The following TCF4 variants were observed in gnomAD, a reference collection of about 807,000 sequenced individuals.
TCF4 encodes SL3-3 enhancer factor 2.
Under a neutral mutation model 82.1 loss-of-function variants are expected in TCF4, and 3 were observed. The observed-to-expected ratio is 0.04, with a 90% CI of 0.02 to 0.09. The LOEUF is 0.09. TCF4 is among the 10% of genes least tolerant of loss of function. TCF4 has a pLI of 1.00. For missense variants in TCF4, 518 were observed against 852.7 expected (o/e 0.61, Z 4.89); for synonymous variants, 276 against 309.6 (o/e 0.89, Z 1.14).
In TCF4 at chr18:55,406,722, A is replaced by G. The variant is rs969855088; in HGVS notation, c.305-3204T>C. On this transcript the variant is annotated intron_variant, in intron 5 of 19. Transcript: ENST00000354452. Reference sequence around the variant, plus strand: ...GGACAGCCTCTTTCCTCCTTTCTCCATTCTTCACCACCCGCCTCCCCCCAT... The same window carrying G: ...GGACAGCCTCTTTCCTCCTTTCTCCGTTCTTCACCACCCGCCTCCCCCCAT... Among the ~76,000 whole-genome samples, 120 of 152,084 alleles carry G rather than the reference A, an allele frequency of 7.9e-4. 1 individual carries two copies. Among genetic ancestry groups the G allele is most frequent in the African/African-American group, 2.8e-3 (116 of 41,490 alleles).
chr18:55,602,841 A>G (rs1489037089), intron 2 of TCF4, among the ~76,000 whole-genome samples: 2 of 152,238 alleles, frequency 1.3e-5, no homozygotes, highest in Non-Finnish European at 2.9e-5. Context: ...GGTGGAAATT[A>G]TGCTGAAAGA....
At chr18:55,325,665 G>T (rs912198448) in intron 8 of TCF4, among the ~76,000 whole-genome samples, 1 of 152,190 alleles carries the variant, frequency 6.6e-6, no homozygotes, top group Admixed American at 6.5e-5. Flanking sequence ...TTCTGTTTAA[G>T]TCACTGAACA....
chr18:55,611,088 G>T (rs975705596), intron 2 of TCF4, among the ~76,000 whole-genome samples: 1 of 152,132 alleles, frequency 6.6e-6, no homozygotes, highest in Admixed American at 6.6e-5. Flanking sequence ...GCAAGGCTTT[G>T]GGGAGATTGA....
chr18:55,320,844 T>C (rs983682080), intron 8 of TCF4: 1 of 152,560 alleles, frequency 6.6e-6, no homozygotes, highest in Non-Finnish European at 1.5e-5. Flanking sequence ...TTTGAAAATA[T>C]TGAAATCCTT....
At chr18:55,369,388 G>A (rs1338752340) in intron 6 of TCF4, among the ~76,000 whole-genome samples, 1 of 152,170 alleles carries the variant, frequency 6.6e-6, no homozygotes, top group African/African-American at 2.4e-5. Flanking sequence ...CCAGACTGAA[G>A]GTCAAGCAGA....
chr18:55,339,065 T>C (rs1046949068), intron 8 of TCF4, among the ~76,000 whole-genome samples: 3 of 152,214 alleles, frequency 2.0e-5, no homozygotes, highest in African/African-American at 7.2e-5. Flanking sequence ...TTTCCTCATG[T>C]GAATGCTTTC....
chr18:55,284,614 T>C (rs1345123196), intron 8 of TCF4, among the ~76,000 whole-genome samples: 1 of 152,162 alleles, frequency 6.6e-6, no homozygotes, highest in Non-Finnish European at 1.5e-5. Flanking sequence ...TCCTCCACGT[T>C]ACTACCCCCT....
chr18:55,483,806 T>G (rs1490808494), intron 3 of TCF4, among the ~76,000 whole-genome samples: 1 of 152,198 alleles, frequency 6.6e-6, no homozygotes, highest in South Asian at 2.1e-4. Flanking sequence ...TAGCTCAGCA[T>G]TTTTTGGAAA....
intron 3 of TCF4, among the ~76,000 whole-genome samples, chr18:55,529,153 G>A (rs1025536818): frequency 6.6e-5 from 10 of 152,242 alleles, no homozygotes; most frequent in South Asian, 4.1e-4. Flanking sequence ...ACTTCAGCCC[G>A]GGTGGTAACA....
At chr18:55,340,583 CAA>C (rs11428164) in intron 8 of TCF4, among the ~76,000 whole-genome samples, 20 of 65,450 alleles carry the variant, frequency 3.1e-4, no homozygotes, top group Non-Finnish European at 4.4e-4. Flanking sequence ...GACCCCATCT[CAA>C]AAAAAAAAAA....
At chr18:55,269,003 G>A (rs888443577) in intron 11 of TCF4, 1 of 152,252 alleles carries the variant, frequency 6.6e-6, no homozygotes, top group African/African-American at 2.4e-5. Context: ...TGGTTCAGAA[G>A]CAGGTAGCTA....
intron 3 of TCF4, among the ~76,000 whole-genome samples, chr18:55,536,800 A>G (rs182466297): frequency 6.6e-6 from 1 of 152,252 alleles, no homozygotes; most frequent in African/African-American, 2.4e-5. Context: ...GTATGTATGT[A>G]TATTACAAAG....
intron 15 of TCF4, among the ~76,000 whole-genome samples, chr18:55,235,727 A>ATT (rs2049159964): frequency 6.6e-6 from 1 of 152,190 alleles, no homozygotes; most frequent in Admixed American, 6.5e-5. Flanking sequence ...TTCTTAGCCT[A>ATT]TGGTTAAGTG....
chr18:55,321,598 A>G (rs946637105), intron 8 of TCF4: 3 of 1,534,754 alleles, frequency 2.0e-6, no homozygotes, highest in Non-Finnish European at 2.6e-6. Context: ...AACAATGATC[A>G]CCACCTAGGA....
intron 11 of TCF4, chr18:55,267,155 A>C (rs2059368294): frequency 6.6e-6 from 1 of 152,178 alleles, no homozygotes; most frequent in South Asian, 2.1e-4. Flanking sequence ...AGTATTGCTT[A>C]CAGTCATTTT....
At chr18:55,404,042 C>T in intron 5 of TCF4, 6 of 1,150,874 alleles carry the variant, frequency 5.2e-6, no homozygotes, top group Non-Finnish European at 5.4e-6. Context: ...AGGAGTGAAC[C>T]CCATCATGAT....
At chr18:55,358,579 C>T (rs1398334014) in intron 6 of TCF4, among the ~76,000 whole-genome samples, 1 of 152,214 alleles carries the variant, frequency 6.6e-6, no homozygotes, top group Non-Finnish European at 1.5e-5. Context: ...ATGTGGCTGG[C>T]AAGCAGTGGA....
chr18:55,443,072 T>C (rs1179333254), intron 5 of TCF4, among the ~76,000 whole-genome samples: 1 of 152,214 alleles, frequency 6.6e-6, no homozygotes, highest in Non-Finnish European at 1.5e-5. Context: ...CTTGTCACCA[T>C]TGTGACGTTT....
intron 15 of TCF4, among the ~76,000 whole-genome samples, chr18:55,239,563 T>C (rs960358332): frequency 6.6e-6 from 1 of 152,226 alleles, no homozygotes; most frequent in Non-Finnish European, 1.5e-5. Context: ...CATACATATA[T>C]ATACGTACAT....
Sources: allele counts gnomAD v4.1 joint callset (sites outside exome capture counted in the v4.1 genomes callset), GRCh38; gene constraint gnomAD v4.1.1; transcripts MANE v1.5; gene names NCBI Gene and HGNC (gene_info 2026-07-23, HGNC 2026-07-21).